WWOX: variants seen among roughly 807,000 people sequenced by gnomAD.
WWOX encodes WW domain containing oxidoreductase.
A neutral mutation model predicts 46.2 loss-of-function variants in WWOX; 69 were observed. The observed-to-expected ratio is 1.49, with a 90% CI of 1.23 to 1.82. The LOEUF is 1.82. WWOX is among the 40% of genes most tolerant of loss of function. The pLI, the probability that WWOX is intolerant of heterozygous loss-of-function variation, is 0.00. For synonymous variants in WWOX, 359 were observed against 202.6 expected (o/e 1.77, Z -6.56); for missense variants, 919 against 542.6 (o/e 1.69, Z -6.89).
intron 8 of WWOX, among the ~76,000 whole-genome samples, chr16:78,676,815 C>G (rs1245994685): frequency 2.0e-5 from 3 of 152,092 alleles, no homozygotes; most frequent in South Asian, 4.2e-4. Flanking sequence ...TGAACTTTAC[C>G]TTGATAGGAC....
At chr16:78,827,261 C>T (rs1373356271) in intron 8 of WWOX, among the ~76,000 whole-genome samples, 2 of 152,108 alleles carry the variant, frequency 1.3e-5, no homozygotes, top group East Asian at 3.9e-4. Flanking sequence ...GCTCACTGTC[C>T]AAGTGCTGGG....
intron 5 of WWOX, among the ~76,000 whole-genome samples, chr16:78,367,373 T>C (rs987334707): frequency 5.3e-5 from 8 of 151,240 alleles, no homozygotes; most frequent in African/African-American, 1.7e-4. Flanking sequence ...CCAACACAAA[T>C]GTATAAACTT....
chr16:79,063,414 A>G (rs1049191692), intron 8 of WWOX, among the ~76,000 whole-genome samples: 1 of 152,208 alleles, frequency 6.6e-6, no homozygotes, highest in Non-Finnish European at 1.5e-5. Flanking sequence ...CAGTCTGGAT[A>G]TGGAATATTA....
chr16:78,989,646 A>C (rs1273307524), intron 8 of WWOX, among the ~76,000 whole-genome samples: 1 of 152,198 alleles, frequency 6.6e-6, no homozygotes, highest in Non-Finnish European at 1.5e-5. Context: ...TTGGGCATCC[A>C]GTTGGGACCC....
chr16:78,250,540 G>C (rs767537170), intron 5 of WWOX, among the ~76,000 whole-genome samples: 19 of 152,174 alleles, frequency 1.2e-4, no homozygotes, highest in Non-Finnish European at 2.4e-4. Context: ...TGTGCCATGG[G>C]AGGTGGAGGT....
chr16:79,125,971 C>CT (rs1446719217), intron 8 of WWOX, among the ~76,000 whole-genome samples: 6 of 152,182 alleles, frequency 3.9e-5, no homozygotes, highest in Non-Finnish European at 7.3e-5. Flanking sequence ...TGTTTTTACT[C>CT]TAACACCTCT....
chr16:78,398,365 C>G (rs781236188), intron 6 of WWOX, among the ~76,000 whole-genome samples: 1 of 152,162 alleles, frequency 6.6e-6, no homozygotes, highest in African/African-American at 2.4e-5. Flanking sequence ...GCTTGTGTGG[C>G]TCCTCTCCCA....
intron 8 of WWOX, among the ~76,000 whole-genome samples, chr16:79,020,353 C>G (rs954887579): frequency 2.6e-5 from 4 of 152,096 alleles, no homozygotes; most frequent in African/African-American, 9.7e-5. Context: ...TAAGTCCAAC[C>G]AGTGGTTATG....
chr16:79,205,616 T>TC (rs2051484306), intron 8 of WWOX: 1 of 152,192 alleles, frequency 6.6e-6, no homozygotes. Flanking sequence ...TTGAGTGCAT[T>TC]CCTCTTCTAT....
In WWOX at chr16:78,767,472, GTGTGTGTGTC is replaced by G. The variant is rs1247360332; in HGVS notation, c.1056+334730_1056+334739del. Reference sequence around the variant, plus strand: ...GGCTGAATAATGTTTCTGTGTGAGTGTGTGTGTGTCTGTGTGTGTGTGTGTGTGTGTGTGT... The same window carrying G: ...GGCTGAATAATGTTTCTGTGTGAGTGTGTGTGTGTGTGTGTGTGTGTGTGT... On this transcript the variant is annotated intron_variant, in intron 8 of 8. Coordinates refer to ENST00000566780, the MANE Select transcript of WWOX (RefSeq NM_016373.4). Among the ~76,000 whole-genome samples the G allele has an allele frequency of 1.0e-3, 115 of 112,136 alleles. 2 individuals are homozygous for G. The highest frequency in any genetic ancestry group is 3.9e-3 in the African/African-American group (110 of 28,422). The allele number at this position is 112,136 out of a possible 152,430, so 73.6% of individuals were successfully genotyped here. A position where few individuals can be genotyped will look rare whatever the true frequency, so the allele number is the denominator to read the frequency against.
chr16:79,100,300 A>G (rs192967850), intron 8 of WWOX, among the ~76,000 whole-genome samples: 15 of 152,246 alleles, frequency 9.9e-5, no homozygotes, highest in Admixed American at 7.2e-4. Context: ...AGGATGTCTG[A>G]TTTTTCTGAA....
chr16:78,729,869 T>C (rs1189341506), intron 8 of WWOX, among the ~76,000 whole-genome samples: 1 of 152,074 alleles, frequency 6.6e-6, no homozygotes, highest in African/African-American at 2.4e-5. Context: ...ACCACTGTGG[T>C]CCCAAACCCA....
chr16:78,486,559 A>AGTTTT (rs541455368), intron 8 of WWOX, among the ~76,000 whole-genome samples: 4,571 of 137,618 alleles, frequency 0.033, 98 homozygotes, highest in South Asian at 0.055. Flanking sequence ...ATTGACTTCC[A>AGTTTT]GTTTTGTTTT....
chr16:78,773,455 C>T (rs1266373231), intron 8 of WWOX, among the ~76,000 whole-genome samples: 1 of 152,204 alleles, frequency 6.6e-6, no homozygotes, highest in Non-Finnish European at 1.5e-5. Flanking sequence ...ATTCCTCCCT[C>T]ATTTAAAACA....
chr16:79,005,416 G>A (rs973673198), intron 8 of WWOX, among the ~76,000 whole-genome samples: 13 of 152,192 alleles, frequency 8.5e-5, no homozygotes, highest in East Asian at 1.9e-4. Flanking sequence ...GGCGTGCCAC[G>A]TACTAGGTGG....
intron 8 of WWOX, among the ~76,000 whole-genome samples, chr16:78,921,405 T>C (rs2045375522): frequency 6.6e-6 from 1 of 152,106 alleles, no homozygotes; most frequent in Non-Finnish European, 1.5e-5. Context: ...TACAGTAAAA[T>C]TAGGAGAGTA....
intron 8 of WWOX, among the ~76,000 whole-genome samples, chr16:78,743,773 A>T (rs2142425398): frequency 6.6e-6 from 1 of 152,272 alleles, no homozygotes; most frequent in South Asian, 2.1e-4. Context: ...ACATTTGCAT[A>T]GGAGTGTAAC....
intron 8 of WWOX, among the ~76,000 whole-genome samples, chr16:78,594,741 C>G (rs148491273): frequency 2.4e-3 from 370 of 152,214 alleles, no homozygotes; most frequent in East Asian, 0.013. Flanking sequence ...CTACCTCCAA[C>G]TTGACACTTA....
chr16:78,742,821 A>G (rs186391458), intron 8 of WWOX, among the ~76,000 whole-genome samples: 1 of 152,248 alleles, frequency 6.6e-6, no homozygotes, highest in East Asian at 1.9e-4. Flanking sequence ...TTCACTTGAA[A>G]TTGTCCAGTG....
Sources: gnomAD v4.1 joint callset for allele counts (sites outside exome capture counted in the v4.1 genomes callset) on GRCh38, gnomAD v4.1.1 for gene constraint, MANE v1.5 for transcripts, NCBI Gene and HGNC (gene_info 2026-07-23, HGNC 2026-07-21) for gene names.